Variants in PCDHGA10 observed in about 807,000 individuals in gnomAD.
PCDHGA10 encodes the protein protocadherin gamma-A10.
Under a neutral mutation model 59.5 loss-of-function variants are expected in PCDHGA10, and 42 were observed. That is an observed-to-expected ratio of 0.71 (90% confidence interval 0.55 to 0.91). The LOEUF is 0.91. Among genes scored for constraint, PCDHGA10 ranks in the 40% least tolerant of loss-of-function variants. The pLI, the probability that PCDHGA10 is intolerant of heterozygous loss-of-function variation, is 0.00. For synonymous variants in PCDHGA10, 511 were observed against 517.2 expected (o/e 0.99, Z 0.16); for missense variants, 1,111 against 1,198.2 (o/e 0.93, Z 1.07).
At position 141,438,591 on chromosome 5, in the gene PCDHGA10, CATATATATATATAT is replaced by C. The variant is rs946798767; in HGVS notation, c.2436+23012_2436+23025del. Among the ~76,000 whole-genome samples the C allele has an allele frequency of 7.9e-5, 6 of 75,562 alleles. No individual in the cohort carries two copies. The East Asian group carries it at 1.7e-3, about 22-fold the overall frequency. 49.6% of individuals were successfully genotyped at this position (75,562 alleles called of 152,430 possible). On this transcript the variant is annotated intron_variant, in intron 1 of 3. Transcript: ENST00000398610. ...TCTGATATACATACATACATACATA[CATATATATATATAT>C]ATATATATATATATATATATATATA...
Position 141,476,340 on chromosome 5 carries a change from G to A in PCDHGA10, c.2437-18467G>A, listed in dbSNP as rs760616287. The A allele has an allele frequency of 2.2e-5, 36 of 1,614,068 alleles. No homozygotes were observed. In the Admixed American group the frequency reaches 2.5e-4, roughly 11 times the overall value. On this transcript the variant is annotated intron_variant, in intron 1 of 3. Transcript: ENST00000398610. The surrounding 1 kb of genome is among the most constrained non-coding windows in gnomAD (Gnocchi z 7.6). The stretch of plus-strand genomic sequence containing the variant: ...CGGGTGGTGTCTGGAGCTAGCCGAA[G>A]ATTCTTTGAGGTGAACCGGGAGACC...
intron 1 of PCDHGA10, among the ~76,000 whole-genome samples, chr5:141,448,931 C>G (rs966398044): frequency 1.3e-5 from 2 of 152,040 alleles, no homozygotes; most frequent in African/African-American, 4.8e-5. Context: ...GGCGACAGAG[C>G]AAGACTGCAA....
intron 1 of PCDHGA10, among the ~76,000 whole-genome samples, chr5:141,444,771 T>C (rs987549188): frequency 6.6e-6 from 1 of 152,246 alleles, no homozygotes; most frequent in African/African-American, 2.4e-5. Context: ...TTCTATATTC[T>C]TGATCATGTT....
At chr5:141,419,773 C>G (rs2096431068) in intron 1 of PCDHGA10, 1 of 1,613,916 alleles carries the variant, frequency 6.2e-7, no homozygotes, top group Non-Finnish European at 8.5e-7. Context: ...AGGACTCGGT[C>G]CGCCAGCGCC....
chr5:141,430,992 A>G (rs1223969128), intron 1 of PCDHGA10: 2 of 1,613,824 alleles, frequency 1.2e-6, no homozygotes, highest in Admixed American at 3.3e-5. Context: ...TTCGCCCTGA[A>G]TCCGCGCAGC....
At position 141,490,938 on chromosome 5, in the gene PCDHGA10, C is replaced by T. The variant is rs2099706179; in HGVS notation, c.2437-3869C>T. ...ATGATAATGCCCCAGCTGTGCTGCA[C>T]CCACGGCCAGACTGGGAACACTCAG... On this transcript the variant is annotated intron_variant, in intron 1 of 3. Coordinates refer to ENST00000398610, the MANE Select transcript of PCDHGA10 (RefSeq NM_018913.3). This position sits in a 1 kb window ranked among gnomAD's most constrained non-coding sequence, Gnocchi z 5.4. 6.2e-7 allele frequency: 1 copy of T among 1,613,554 alleles called. No homozygotes were observed. Among genetic ancestry groups the T allele is most frequent in the African/African-American group, 1.3e-5 (1 of 74,934 alleles).
Position 141,432,736 on chromosome 5 carries a change from G to T in PCDHGA10, c.2436+17125G>T. On this transcript the variant is annotated intron_variant, in intron 1 of 3. Transcript: ENST00000398610. The surrounding 1 kb of genome is among the most constrained non-coding windows in gnomAD (Gnocchi z 6.0). ...AGCCCCCTCTCTCCGCCACTGTCACGCTCACCGTGGCCGTGGCCGACAGCA... is the reference window on the plus strand; with the variant it reads ...AGCCCCCTCTCTCCGCCACTGTCACTCTCACCGTGGCCGTGGCCGACAGCA... The T allele has an allele frequency of 6.2e-7, 1 of 1,614,058 alleles. No individual in the cohort carries two copies. The highest frequency in any genetic ancestry group is 8.5e-7 in the Non-Finnish European group (1 of 1,179,980).
In PCDHGA10 at chr5:141,477,229, C is replaced by G. The variant is rs1376731101; in HGVS notation, c.2437-17578C>G. The G allele has an allele frequency of 6.2e-7, 1 of 1,614,222 alleles. No homozygotes were observed. The highest frequency in any genetic ancestry group is 8.5e-7 in the Non-Finnish European group (1 of 1,180,052). On this transcript the variant is annotated intron_variant, in intron 1 of 3. Transcript: ENST00000398610. This position sits in a 1 kb window ranked among gnomAD's most constrained non-coding sequence, Gnocchi z 4.9. ...AGGATGCCCCTCTGGGGACTGTCAT[C>G]GCTTTGCTCAGTGTGACTGACCTGG...
chr5:141,419,737 G>C lies in PCDHGA10; in HGVS notation c.2436+4126G>C, dbSNP rs201663350. The C allele has an allele frequency of 1.9e-6, 3 of 1,613,718 alleles. No homozygotes were observed. In the African/African-American group the frequency reaches 4.0e-5, roughly 22 times the overall value. Reference sequence around the variant, plus strand: ...GCCTGGGGCTGCGAACAGGCGAGGTGCGCATGGTGCGTGCTTTGGGTGACA... The same window carrying C: ...GCCTGGGGCTGCGAACAGGCGAGGTCCGCATGGTGCGTGCTTTGGGTGACA... On this transcript the variant is annotated intron_variant, in intron 1 of 3. Transcript: ENST00000398610.
chr5:141,433,283 T>A, intron 1 of PCDHGA10: 1 of 1,183,074 alleles, frequency 8.5e-7, no homozygotes, highest in Non-Finnish European at 1.2e-6. Flanking sequence ...AGCCTCAAAC[T>A]CCTAGGCTCA....
intron 1 of PCDHGA10, chr5:141,475,997 G>T: frequency 8.4e-7 from 1 of 1,184,406 alleles, no homozygotes; most frequent in Non-Finnish European, 1.2e-6. Flanking sequence ...CAAATCAACG[G>T]CATCCAGAAA....
rs1334650353 is a variant in PCDHGA10, at chr5:141,493,099, A to T, written c.2437-1708A>T. Among the ~76,000 whole-genome samples, 1 of 152,192 alleles carries T rather than the reference A, an allele frequency of 6.6e-6. No homozygotes were observed. Among genetic ancestry groups the T allele is most frequent in the East Asian group, 1.9e-4 (1 of 5,198 alleles). On this transcript the variant is annotated intron_variant, in intron 1 of 3. Coordinates refer to ENST00000398610, the MANE Select transcript of PCDHGA10 (RefSeq NM_018913.3). This position sits in a 1 kb window ranked among gnomAD's most constrained non-coding sequence, Gnocchi z 4.3. ...CTCCAGGAGCTTTTATTCAAAATAT[A>T]TCAATGCCTAACTCTGCTCCTAGGA... is the stretch of plus-strand genomic sequence containing the variant.
intron 1 of PCDHGA10, chr5:141,419,592 T>C (rs1561782617): frequency 6.2e-7 from 1 of 1,611,670 alleles, no homozygotes. Context: ...TTCGACACAG[T>C]GCCGCGGGCC....
rs61612330 is a variant in PCDHGA10, at chr5:141,454,796, A to ATTTTTTTTTTTTTTTTT, written c.2436+39198_2436+39214dup. Among the ~76,000 whole-genome samples the ATTTTTTTTTTTTTTTTT allele has an allele frequency of 1.9e-3, 147 of 77,454 alleles. 11 individuals carry two copies. Among genetic ancestry groups the ATTTTTTTTTTTTTTTTT allele is most frequent in the Middle Eastern group, 0.017 (2 of 120 alleles). 50.8% of individuals were successfully genotyped at this position (77,454 alleles called of 152,430 possible). ...AAGGAAATAATCCTCCATGGTTCTA[A>ATTTTTTTTTTTTTTTTT]TTTTTTTTTTTTTTTTTTTTTTTTT... On this transcript the variant is annotated intron_variant, in intron 1 of 3. Coordinates refer to ENST00000398610, the MANE Select transcript of PCDHGA10 (RefSeq NM_018913.3).
intron 1 of PCDHGA10, among the ~76,000 whole-genome samples, chr5:141,482,832 G>A (rs2099573281): frequency 6.6e-6 from 1 of 152,188 alleles, no homozygotes; most frequent in Non-Finnish European, 1.5e-5. Flanking sequence ...AGCACTTTGG[G>A]AGGCCAAGGT....
rs73280911 is a variant in PCDHGA10, at chr5:141,446,356, A to C, written c.2436+30745A>C. Among the ~76,000 whole-genome samples the C allele has an allele frequency of 2.0e-5, 3 of 152,188 alleles. No individual in the cohort carries two copies. In the South Asian group the frequency reaches 6.2e-4, roughly 31 times the overall value. On this transcript the variant is annotated intron_variant, in intron 1 of 3. Transcript: ENST00000398610. ...ACTGGATGGACAAAGCTACCATTTGATGAGAATGGAAGACTAAAGAATGAT... is the reference window on the plus strand; with the variant it reads ...ACTGGATGGACAAAGCTACCATTTGCTGAGAATGGAAGACTAAAGAATGAT...
chr5:141,480,453 A>G (rs1033797238), intron 1 of PCDHGA10, among the ~76,000 whole-genome samples: 1 of 152,182 alleles, frequency 6.6e-6, no homozygotes, highest in African/African-American at 2.4e-5. Context: ...AATTATTTTT[A>G]TTAGTTCCTC....
intron 2 of PCDHGA10, among the ~76,000 whole-genome samples, chr5:141,501,290 T>TACACATACAC (rs1224133816): frequency 4.6e-4 from 62 of 136,246 alleles, no homozygotes; most frequent in Admixed American, 7.0e-4. Flanking sequence ...TATTCCCTTA[T>TACACATACAC]ACACACACAC....
At chr5:141,475,145 C>T (rs1214674720) in intron 1 of PCDHGA10, among the ~76,000 whole-genome samples, 2 of 151,980 alleles carry the variant, frequency 1.3e-5, no homozygotes, top group Non-Finnish European at 1.5e-5. Flanking sequence ...AAATCTTCTC[C>T]GTCTTCTTCT....
Sources: gnomAD v4.1 joint callset for allele counts (sites outside exome capture counted in the v4.1 genomes callset) on GRCh38, gnomAD v4.1.1 for gene constraint, Gnocchi (gnomAD v3.1) non-coding constraint, MANE v1.5 for transcripts, NCBI Gene and HGNC (gene_info 2026-07-23, HGNC 2026-07-21) for gene names.